The following MS4A4E variants were observed in gnomAD, a reference collection of about 807,000 sequenced individuals.
The protein encoded by MS4A4E is putative membrane-spanning 4-domains subfamily A member 4E.
In MS4A4E, 23 loss-of-function variants were observed where a neutral mutation model predicts 13.3. The ratio of observed to expected loss-of-function variants is 1.73; its 90% CI spans 1.25 to 2.45. MS4A4E has a LOEUF of 2.45. Ranked by LOEUF, MS4A4E falls within the 30% of genes most tolerant of loss-of-function variation. The pLI, the probability that MS4A4E is intolerant of heterozygous loss-of-function variation, is 0.00. For missense variants in MS4A4E, 144 were observed against 131.2 expected, an observed-to-expected ratio of 1.10 and a Z score of -0.48; for synonymous variants, 36 against 45.6, an observed-to-expected ratio of 0.79 and a Z score of 0.85.
chr11:60,200,764 A>G lies in MS4A4E; in HGVS notation c.*779T>C, dbSNP rs930345978. The stretch of plus-strand genomic sequence containing the variant: ...CTTTCCCCCCTTTCTATTCCACAAA[A>G]CCGCCATTGTCCTCATGGCCCGTTC... On this transcript the variant is annotated 3_prime_UTR_variant, in exon 9 of 9. Transcript: ENST00000651255. 1.3e-5 allele frequency among the ~76,000 whole-genome samples: 2 copies of G among 151,878 alleles called. No individual in the cohort carries two copies. Among genetic ancestry groups the G allele is most frequent in the Non-Finnish European group, 2.9e-5 (2 of 67,964 alleles).
At chr11:60,204,004 T>G (rs1239384548) in intron 8 of MS4A4E, among the ~76,000 whole-genome samples, 1 of 152,234 alleles carries the variant, frequency 6.6e-6, no homozygotes, top group Non-Finnish European at 1.5e-5. Context: ...CAACTAAAAA[T>G]GTACTAATCT....
intron 5 of MS4A4E, among the ~76,000 whole-genome samples, chr11:60,210,720 G>T (rs1224405299): frequency 6.6e-6 from 1 of 151,660 alleles, no homozygotes; most frequent in Non-Finnish European, 1.5e-5. Flanking sequence ...CCTGTGATGG[G>T]GCATACACTA....
chr11:60,215,589 C>T (rs1253799006), intron 3 of MS4A4E, among the ~76,000 whole-genome samples: 1 of 151,662 alleles, frequency 6.6e-6, no homozygotes, highest in South Asian at 2.1e-4. Flanking sequence ...ACATCTGTCT[C>T]AGTCTACAAG....
chr11:60,241,111 C>T (rs61897941), intron 1 of MS4A4E, among the ~76,000 whole-genome samples: 1,877 of 152,310 alleles, frequency 0.012, 19 homozygotes, highest in Non-Finnish European at 0.019. Context: ...GCAAGCTCCG[C>T]CTCCCGGGTT....
chr11:60,240,860 C>T (rs948537408), intron 1 of MS4A4E, among the ~76,000 whole-genome samples: 1 of 152,098 alleles, frequency 6.6e-6, no homozygotes, highest in African/African-American at 2.4e-5. Flanking sequence ...CCCCATTTCC[C>T]GCATGTGGAT....
intron 3 of MS4A4E, 107 bp from the exon 4 acceptor site, chr11:60,214,721 T>C (rs2084169031): frequency 1.4e-5 from 8 of 568,248 alleles, no homozygotes; most frequent in Non-Finnish European, 2.0e-5. Flanking sequence ...GATAGATATG[T>C]ATAAACAGGT....
chr11:60,221,257 A>AT (rs35712576), intron 3 of MS4A4E, among the ~76,000 whole-genome samples: 138,978 of 152,226 alleles, frequency 0.91, 63,586 homozygotes, highest in Non-Finnish European at 0.94. Flanking sequence ...TTGTCTAGCC[A>AT]AAAGTGGGGC....
At position 60,243,074 on chromosome 11, in the gene MS4A4E, G is replaced by A; in HGVS notation, c.-133C>T. 1 of 866,984 alleles carries A rather than the reference G, an allele frequency of 1.2e-6. No homozygotes were observed. 53.7% of individuals were successfully genotyped at this position (866,984 alleles called of 1,614,324 possible). A position where few individuals can be genotyped will look rare whatever the true frequency, so the allele number is the denominator to read the frequency against. ...CTTCCCCCACTCCACACCTCACTCA[G>A]TTTAAATCTGCACTCCTTTTCTAGT... On this transcript the variant is annotated 5_prime_UTR_variant, in exon 1 of 9. Transcript: ENST00000651255.
chr11:60,220,611 C>G (rs1358802506), intron 3 of MS4A4E, among the ~76,000 whole-genome samples: 1 of 152,170 alleles, frequency 6.6e-6, no homozygotes, highest in African/African-American at 2.4e-5. Flanking sequence ...AAGTAGCAAG[C>G]ACACTGGACT....
rs185360533 is a variant in MS4A4E at position 60,223,898 on chromosome 11, A to G, written c.178+4696T>C. Among the ~76,000 whole-genome samples, 8 of 152,274 alleles carry G rather than the reference A, an allele frequency of 5.3e-5. No homozygotes were observed. In the East Asian group the frequency reaches 1.5e-3, roughly 29 times the overall value. ...TACTCCCTAATAAACTTCCTTTTAT[A>G]TATATACACATCTATCCTATTAGTT... is the stretch of plus-strand genomic sequence containing the variant. On this transcript the variant is annotated intron_variant, in intron 3 of 8. Transcript: ENST00000651255.
chr11:60,212,053 T>A (rs931344888), intron 5 of MS4A4E, among the ~76,000 whole-genome samples: 6 of 152,220 alleles, frequency 3.9e-5, no homozygotes, highest in African/African-American at 1.2e-4. Flanking sequence ...AGAACTTTTA[T>A]TACTTACAAA....
intron 1 of MS4A4E, among the ~76,000 whole-genome samples, chr11:60,241,308 G>A (rs1052680959): frequency 6.6e-6 from 1 of 152,212 alleles, no homozygotes; most frequent in South Asian, 2.1e-4. Flanking sequence ...ACAGGCGTGA[G>A]CCACCGCACC....
intron 1 of MS4A4E, among the ~76,000 whole-genome samples, chr11:60,232,694 C>T (rs1285741346): frequency 6.6e-6 from 1 of 152,144 alleles, no homozygotes; most frequent in Non-Finnish European, 1.5e-5. Context: ...CCCTGGCCCC[C>T]ATGGCCTGAG....
chr11:60,237,958 C>A (rs572031854), intron 1 of MS4A4E, among the ~76,000 whole-genome samples: 1 of 151,440 alleles, frequency 6.6e-6, no homozygotes, highest in Non-Finnish European at 1.5e-5. Flanking sequence ...CGGTTTTTGT[C>A]TTTTATTCTA....
chr11:60,209,668 C>T lies in MS4A4E; in HGVS notation c.382-974G>A, dbSNP rs149180103. On this transcript the variant is annotated intron_variant, in intron 5 of 8. Transcript: ENST00000651255. ...TCTCCCCAGAGCACTGGCTTTAGGGCTAGTCTTCAGCCAAGAAACATAGTC... is the reference window on the plus strand; with the variant it reads ...TCTCCCCAGAGCACTGGCTTTAGGGTTAGTCTTCAGCCAAGAAACATAGTC... 3.8e-3 allele frequency among the ~76,000 whole-genome samples: 583 copies of T among 152,324 alleles called. 4 individuals carry two copies. The highest frequency in any genetic ancestry group is 0.013 in the African/African-American group (527 of 41,566).
At chr11:60,236,539 A>T (rs1010421707) in intron 1 of MS4A4E, among the ~76,000 whole-genome samples, 1 of 152,076 alleles carries the variant, frequency 6.6e-6, no homozygotes, top group Non-Finnish European at 1.5e-5. Flanking sequence ...GTTCTATTTG[A>T]AACTATTGTA....
intron 3 of MS4A4E, among the ~76,000 whole-genome samples, chr11:60,216,247 C>CT: frequency 6.6e-6 from 1 of 152,266 alleles, no homozygotes; most frequent in South Asian, 2.1e-4. Context: ...AACACAGCTC[C>CT]TGCAGTTCTT....
chr11:60,210,780 G>A (rs1252701837), intron 5 of MS4A4E, among the ~76,000 whole-genome samples: 2 of 152,162 alleles, frequency 1.3e-5, no homozygotes, highest in African/African-American at 2.4e-5. Flanking sequence ...GGCAAGAAGA[G>A]ACTCATTGCT....
intron 2 of MS4A4E, 49 bp downstream of exon 2, chr11:60,229,863 G>T: frequency 1.3e-6 from 2 of 1,545,588 alleles, no homozygotes; most frequent in Non-Finnish European, 1.7e-6. Flanking sequence ...CTGATCAAAT[G>T]TGAGTTTACA....
Sources: allele counts gnomAD v4.1 joint callset (sites outside exome capture counted in the v4.1 genomes callset), GRCh38; gene constraint gnomAD v4.1.1; transcripts MANE v1.5; gene names NCBI Gene and HGNC (gene_info 2026-07-23, HGNC 2026-07-21).